ZFAND5: variants seen among roughly 807,000 people sequenced by gnomAD.
ZFAND5 encodes AN1-type zinc finger protein 5.
Under a neutral mutation model 23.6 loss-of-function variants are expected in ZFAND5, and 4 were observed. That is an observed-to-expected ratio of 0.17 (90% CI 0.08 to 0.39). The LOEUF (loss-of-function observed/expected upper bound fraction) is 0.39, where lower values mean the gene tolerates loss of function less well. Ranked by LOEUF, ZFAND5 falls within the 10% of genes least tolerant of loss-of-function variation. ZFAND5 has a pLI of 1.00. For synonymous variants in ZFAND5, 68 were observed against 80.6 expected (o/e 0.84, Z 0.84); for missense variants, 161 against 253.7 (o/e 0.63, Z 2.48).
At chr9:72,364,578 C>T (rs934321908) in intron 1 of ZFAND5, 118 bp downstream of exon 1, 19 of 1,252,552 alleles carry the variant, frequency 1.5e-5, no homozygotes, top group Admixed American at 2.5e-5. Flanking sequence ...CCCCGGACGC[C>T]GCCATCCGCG....
At chr9:72,362,426 T>C (rs183251520) in intron 2 of ZFAND5, among the ~76,000 whole-genome samples, 10 of 152,224 alleles carry the variant, frequency 6.6e-5, no homozygotes, top group African/African-American at 2.4e-4. Flanking sequence ...CCAGTTTAAG[T>C]ATGCTAGCTT....
intron 2 of ZFAND5, among the ~76,000 whole-genome samples, chr9:72,362,827 G>A (rs1257631622): frequency 6.6e-6 from 1 of 152,092 alleles, no homozygotes; most frequent in African/African-American, 2.4e-5. Context: ...GCTTCAGCCT[G>A]TCACAAGGCT....
intron 3 of ZFAND5, 137 bp downstream of exon 3, chr9:72,360,491 C>G (rs1461908690): frequency 3.4e-6 from 4 of 1,165,138 alleles, no homozygotes; most frequent in Non-Finnish European, 4.9e-6. Context: ...ATGTCAAGCA[C>G]TTGGGCTGTT....
intron 5 of ZFAND5, among the ~76,000 whole-genome samples, chr9:72,359,106 T>C (rs1016726288): frequency 1.4e-4 from 22 of 152,152 alleles, no homozygotes; most frequent in African/African-American, 5.1e-4. Flanking sequence ...TATAAAATTA[T>C]TCCTTATACC....
intron 1 of ZFAND5, chr9:72,364,486 G>GC: frequency 7.8e-7 from 1 of 1,280,830 alleles, no homozygotes; most frequent in East Asian, 6.8e-5. Flanking sequence ...AGCCAGGGAC[G>GC]CCGGGAGCCA....
chr9:72,359,326 T>TG (rs1444635122), intron 5 of ZFAND5, 92 bp downstream of exon 5: 2 of 1,244,410 alleles, frequency 1.6e-6, no homozygotes, highest in African/African-American at 3.0e-5. Context: ...CCCTCCTCTT[T>TG]GGTCCTTCAA....
intron 2 of ZFAND5, among the ~76,000 whole-genome samples, chr9:72,361,832 T>TATA (rs1324781381): frequency 6.6e-6 from 1 of 152,248 alleles, no homozygotes; most frequent in Non-Finnish European, 1.5e-5. Flanking sequence ...CTTAAACATG[T>TATA]ATAAGCATAT....
chr9:72,363,288 G>A (rs960719082), intron 2 of ZFAND5, among the ~76,000 whole-genome samples, 182 bp downstream of exon 2: 4 of 152,162 alleles, frequency 2.6e-5, no homozygotes, highest in African/African-American at 9.7e-5. Flanking sequence ...GCTCTATCAG[G>A]TATAGCTAGA....
rs1587881923 is a variant in ZFAND5, at chr9:72,363,580, T to C, written c.-120A>G. On this transcript the variant is annotated 5_prime_UTR_variant, in exon 2 of 7. Coordinates refer to ENST00000376962, the MANE Select transcript of ZFAND5 (RefSeq NM_001102420.3). ...CCCTCTTTGCCAAATGGAGTAGAAT[T>C]GACTTTTAAAGGCTCCTTTTCAGGG... 1 of 962,540 alleles carries C rather than the reference T, an allele frequency of 1.0e-6. No individual in the cohort carries two copies. Among genetic ancestry groups the C allele is most frequent in the South Asian group, 4.8e-5 (1 of 20,752 alleles). The allele number at this position is 962,540 out of a possible 1,614,324, so 59.6% of individuals were successfully genotyped here. A position where few individuals can be genotyped will look rare whatever the true frequency, so the allele number is the denominator to read the frequency against.
chr9:72,364,612 C>T lies in ZFAND5; in HGVS notation c.-147+84G>A, dbSNP rs1207534913. Reference sequence around the variant, plus strand: ...CGGCCTGCTCCGGCTTCGCCATTGGCCCGCGGCGCCCCGGTCCCTTCACTC... The same window carrying T: ...CGGCCTGCTCCGGCTTCGCCATTGGTCCGCGGCGCCCCGGTCCCTTCACTC... On this transcript the variant is annotated intron_variant, in intron 1 of 6. Transcript: ENST00000376962. 5 of 1,205,196 alleles carry T rather than the reference C, an allele frequency of 4.1e-6. No individual in the cohort carries two copies. In the African/African-American group the frequency reaches 5.0e-5, roughly 12 times the overall value. 74.7% of individuals were successfully genotyped at this position (1,205,196 alleles called of 1,614,324 possible).
At position 72,355,079 on chromosome 9, in the gene ZFAND5, C is replaced by T. The variant is rs1178459156; in HGVS notation, c.*874G>A. On this transcript the variant is annotated 3_prime_UTR_variant, in exon 7 of 7. Coordinates refer to ENST00000376962, the MANE Select transcript of ZFAND5 (RefSeq NM_001102420.3). ...TTCTTTCTTGAACCAAAACATTCGACAAAAGATGCACATGAAAAATTATTC... is the reference window on the plus strand; with the variant it reads ...TTCTTTCTTGAACCAAAACATTCGATAAAAGATGCACATGAAAAATTATTC... 1 of 152,626 alleles carries T rather than the reference C, an allele frequency of 6.6e-6. No individual in the cohort carries two copies. Among genetic ancestry groups the T allele is most frequent in the African/African-American group, 2.4e-5 (1 of 41,442 alleles). The allele number at this position is 152,626 out of a possible 1,614,324, so 9.5% of individuals were successfully genotyped here.
chr9:72,359,294 T>G (rs1377328394), intron 5 of ZFAND5, 124 bp downstream of exon 5: 1 of 802,530 alleles, frequency 1.2e-6, no homozygotes, highest in Non-Finnish European at 2.0e-6. Context: ...AGTTCTTTGC[T>G]TGGCCTATAT....
chr9:72,358,522 A>G (rs7038091), intron 5 of ZFAND5, among the ~76,000 whole-genome samples: 4,628 of 152,220 alleles, frequency 0.03, 227 homozygotes, highest in African/African-American at 0.1. Flanking sequence ...TAAAAACCAA[A>G]ACCAAAAACA....
Position 72,351,428 on chromosome 9 carries a change from CAA to C in ZFAND5, c.*4523_*4524del, listed in dbSNP as rs945418742. 5.3e-5 allele frequency: 8 copies of C among 151,718 alleles called. No homozygotes were observed. The highest frequency in any genetic ancestry group is 2.1e-4 in the South Asian group (1 of 4,814). 9.4% of individuals were successfully genotyped at this position (151,718 alleles called of 1,614,324 possible). On this transcript the variant is annotated 3_prime_UTR_variant, in exon 7 of 7. Coordinates refer to ENST00000376962, the MANE Select transcript of ZFAND5 (RefSeq NM_001102420.3). ...CTTACATTTATGGCACAAAACAAAA[CAA>C]AAAAAGTCTTACATTTATTAACTTT...
rs1468904300 is a variant in ZFAND5, at chr9:72,360,175, T to C, written c.198A>G (p.Val66=). 3.1e-6 allele frequency: 5 copies of C among 1,612,932 alleles called. No homozygotes were observed. Among genetic ancestry groups the C allele is most frequent in the African/African-American group, 1.3e-5 (1 of 74,892 alleles). ...SNSPTSDSAS[V]QRADTSLNNC... is the part of the protein sequence containing the mutation. ...TGTTTAAGCTAGTGTCTGCTCTCTGTACAGATGCAGAATCTGAGGTAGGAC... is the reference window on the plus strand; with the variant it reads ...TGTTTAAGCTAGTGTCTGCTCTCTGCACAGATGCAGAATCTGAGGTAGGAC... Residue 66 remains valine (V), a synonymous_variant, in exon 4 of 7, where the codon GTA becomes GTG. Transcript: ENST00000376962.
In ZFAND5 at chr9:72,356,034, C is replaced by A; in HGVS notation, c.561G>T (p.Pro187=). The change falls in exon 7 of 7, where the codon CCG becomes CCT. Residue 187 remains proline, a synonymous_variant. Coordinates refer to ENST00000376962, the MANE Select transcript of ZFAND5 (RefSeq NM_001102420.3). The part of the protein sequence containing the change: ...LHRYSDKHNC[P]YDYKAEAAAK... ...CTGCAGCTTCTGCTTTGTAATCATA[C>A]GGACAGTTGTGCTTGTCAGAGTAAC... 6.2e-7 allele frequency: 1 copy of A among 1,613,804 alleles called. No individual in the cohort carries two copies. Among genetic ancestry groups the A allele is most frequent in the Non-Finnish European group, 8.5e-7 (1 of 1,179,820 alleles).
chr9:72,362,249 C>G (rs1219840280), intron 2 of ZFAND5, among the ~76,000 whole-genome samples: 1 of 152,158 alleles, frequency 6.6e-6, no homozygotes, highest in African/African-American at 2.4e-5. Context: ...ATTTCAACAT[C>G]ACTTAGGAAG....
chr9:72,357,079 T>C (rs200675774), intron 5 of ZFAND5, 23 bp from the exon 6 acceptor site: 27 of 1,604,552 alleles, frequency 1.7e-5, no homozygotes, highest in Non-Finnish European at 2.3e-5. Flanking sequence ...AAAACACAAA[T>C]TTGTCAAGCA....
At position 72,353,661 on chromosome 9, in the gene ZFAND5, A is replaced by AAC. The variant is rs56696756; in HGVS notation, c.*2291_*2292insGT. The AAC allele has an allele frequency of 9.3e-4, 3 of 3,212 alleles. No individual in the cohort carries two copies. The highest frequency in any genetic ancestry group is 0.062 in the East Asian group (1 of 16). 0.2% of individuals were successfully genotyped at this position (3,212 alleles called of 1,614,324 possible). A position where few individuals can be genotyped will look rare whatever the true frequency, so the allele number is the denominator to read the frequency against. On this transcript the variant is annotated 3_prime_UTR_variant, in exon 7 of 7. Coordinates refer to ENST00000376962, the MANE Select transcript of ZFAND5 (RefSeq NM_001102420.3). ...TGCACTGCAGCCTGGCCAAACAAAA[A>AAC]TCTATCTCTTGCTACTACTCAGACC...
Sources: gnomAD v4.1 joint callset for allele counts (sites outside exome capture counted in the v4.1 genomes callset) on GRCh38, gnomAD v4.1.1 for gene constraint, MANE v1.5 for transcripts, NCBI Gene and HGNC (gene_info 2026-07-23, HGNC 2026-07-21) for gene names.